FAF1: variants seen among roughly 807,000 people sequenced by gnomAD.
FAF1 encodes FAS-associated factor 1.
In FAF1, 25 loss-of-function variants were observed where a neutral mutation model predicts 92.5. That is an observed-to-expected ratio of 0.27 (90% CI 0.20 to 0.38). The LOEUF (loss-of-function observed/expected upper bound fraction) is 0.38, where lower values mean the gene tolerates loss of function less well. Ranked by LOEUF, FAF1 falls within the 10% of genes least tolerant of loss-of-function variation. The probability of loss-of-function intolerance (pLI) is 1.00; values close to 1 mark genes in which losing one functional copy is unlikely to be tolerated. For synonymous variants in FAF1, 234 were observed against 273.2 expected (o/e 0.86, Z 1.42); for missense variants, 636 against 793.3 (o/e 0.80, Z 2.38).
At chr1:50,762,770 T>C (rs1351533504) in intron 4 of FAF1, among the ~76,000 whole-genome samples, 1 of 151,974 alleles carries the variant, frequency 6.6e-6, no homozygotes. Context: ...ATTCAGGACA[T>C]AGGCATGGGC....
chr1:50,729,016 ATCTATCTATCTATCTATC>A (rs1658786029), intron 6 of FAF1, among the ~76,000 whole-genome samples: 1 of 73,806 alleles, frequency 1.4e-5, no homozygotes, highest in East Asian at 2.4e-4. Context: ...CTATCTATCT[ATCTATCTATCTATCTATC>A]TATATATATA....
intron 8 of FAF1, among the ~76,000 whole-genome samples, chr1:50,630,828 C>CT (rs1052085908): frequency 0.23 from 23,018 of 102,192 alleles, 4,097 homozygotes; most frequent in Middle Eastern, 0.28. Context: ...TGTATCATAT[C>CT]TTTTTTTTTT....
chr1:50,627,580 G>A (rs1653563830), intron 8 of FAF1, among the ~76,000 whole-genome samples: 3 of 150,972 alleles, frequency 2.0e-5, no homozygotes, highest in Non-Finnish European at 4.4e-5. Flanking sequence ...AGGAAGGAAA[G>A]GAAGAAAGGA....
At position 50,959,821 on chromosome 1, in the gene FAF1, C is replaced by G. The variant is rs758977659; in HGVS notation, c.-10G>C. ...CCATGTTGGACGCCATGGCGGCCGC[C>G]GAGTTCCGCGGCTCCGGGAGCGAAG... On this transcript the variant is annotated 5_prime_UTR_variant, in exon 1 of 19. Transcript: ENST00000396153. The G allele has an allele frequency of 5.1e-6, 8 of 1,557,504 alleles. No individual in the cohort carries two copies. In the East Asian group the frequency reaches 2.0e-4, roughly 40 times the overall value.
Position 50,441,247 on chromosome 1 carries a change from G to A in FAF1, c.*193C>T, listed in dbSNP as rs1646163281. On this transcript the variant is annotated 3_prime_UTR_variant, in exon 19 of 19. Transcript: ENST00000396153. The stretch of plus-strand genomic sequence containing the variant: ...TTGTAATTCTCTGTAATAAGGGTTG[G>A]GAATATATACTCATGGATGGGAAAT... The A allele has an allele frequency of 4.1e-6, 2 of 487,472 alleles. No individual in the cohort carries two copies. Among genetic ancestry groups the A allele is most frequent in the East Asian group, 3.3e-5 (1 of 30,526 alleles). The allele number at this position is 487,472 out of a possible 1,614,324, so 30.2% of individuals were successfully genotyped here.
At chr1:50,653,099 A>G (rs1654938915) in intron 8 of FAF1, among the ~76,000 whole-genome samples, 1 of 152,106 alleles carries the variant, frequency 6.6e-6, no homozygotes, top group African/African-American at 2.4e-5. Flanking sequence ...TCATGTATGA[A>G]CATTATTCTT....
At chr1:50,575,640 T>C (rs1221027016) in intron 12 of FAF1, among the ~76,000 whole-genome samples, 1 of 152,224 alleles carries the variant, frequency 6.6e-6, no homozygotes, top group Non-Finnish European at 1.5e-5. Context: ...CTAAGTCTTA[T>C]TTCACACATG....
At chr1:50,542,520 G>A (rs889819163) in intron 13 of FAF1, among the ~76,000 whole-genome samples, 2 of 152,208 alleles carry the variant, frequency 1.3e-5, no homozygotes, top group African/African-American at 4.8e-5. Context: ...CATAATTGTG[G>A]TATTTTCTTC....
intron 2 of FAF1, among the ~76,000 whole-genome samples, chr1:50,823,141 G>A (rs901034356): frequency 2.0e-5 from 3 of 152,108 alleles, no homozygotes; most frequent in Non-Finnish European, 2.9e-5. Context: ...TTTTTGGATC[G>A]GATGGTTGAA....
intron 13 of FAF1, among the ~76,000 whole-genome samples, chr1:50,559,087 C>A (rs917286213): frequency 1.3e-5 from 2 of 152,080 alleles, no homozygotes; most frequent in African/African-American, 2.4e-5. Flanking sequence ...CCCATCTCTA[C>A]TAAAAATACA....
intron 2 of FAF1, among the ~76,000 whole-genome samples, chr1:50,845,261 A>G (rs969005128): frequency 3.3e-5 from 5 of 152,242 alleles, no homozygotes; most frequent in African/African-American, 1.2e-4. Flanking sequence ...CTTGGGAACC[A>G]GCAATATGAG....
chr1:50,642,944 G>A (rs1355336962), intron 8 of FAF1, among the ~76,000 whole-genome samples: 7 of 151,834 alleles, frequency 4.6e-5, no homozygotes, highest in South Asian at 2.1e-4. Context: ...AGGTTCAAGC[G>A]ATTTTCCTGC....
At chr1:50,640,361 C>T (rs1346819586) in intron 8 of FAF1, among the ~76,000 whole-genome samples, 1 of 150,408 alleles carries the variant, frequency 6.6e-6, no homozygotes, top group South Asian at 2.1e-4. Context: ...GGTGCGATCT[C>T]GGCTCACTGC....
intron 6 of FAF1, among the ~76,000 whole-genome samples, chr1:50,716,597 G>A (rs1658185777): frequency 6.6e-6 from 1 of 152,076 alleles, no homozygotes; most frequent in Non-Finnish European, 1.5e-5. Flanking sequence ...ACCAATCAGA[G>A]CTCTGTGTCT....
chr1:50,783,538 T>C (rs1053505201), intron 4 of FAF1, among the ~76,000 whole-genome samples: 1 of 152,118 alleles, frequency 6.6e-6, no homozygotes, highest in Non-Finnish European at 1.5e-5. Flanking sequence ...TTACACACCA[T>C]GGCAAAGTGA....
chr1:50,586,696 C>A (rs1203622372), intron 9 of FAF1, among the ~76,000 whole-genome samples: 1 of 152,116 alleles, frequency 6.6e-6, no homozygotes, highest in African/African-American at 2.4e-5. Flanking sequence ...TTAAGCTAGT[C>A]AACAGCTTAA....
intron 1 of FAF1, among the ~76,000 whole-genome samples, chr1:50,917,145 TC>T (rs1344639888): frequency 2.0e-5 from 3 of 152,204 alleles, no homozygotes; most frequent in African/African-American, 7.2e-5. Context: ...TAAAAAGTAT[TC>T]TCATCAATGC....
intron 8 of FAF1, among the ~76,000 whole-genome samples, chr1:50,640,968 G>A (rs1654298988): frequency 6.6e-6 from 1 of 151,110 alleles, no homozygotes. Flanking sequence ...TGAGTAGCTG[G>A]GACTACATGT....
At chr1:50,875,442 T>C (rs1644562627) in intron 1 of FAF1, among the ~76,000 whole-genome samples, 1 of 152,060 alleles carries the variant, frequency 6.6e-6, no homozygotes, top group South Asian at 2.1e-4. Flanking sequence ...AAAAATATGA[T>C]ACATATATTC....
Sources: gnomAD v4.1 joint callset for allele counts (sites outside exome capture counted in the v4.1 genomes callset) on GRCh38, gnomAD v4.1.1 for gene constraint, MANE v1.5 for transcripts, NCBI Gene and HGNC (gene_info 2026-07-23, HGNC 2026-07-21) for gene names.